PAPPA2: variants seen among roughly 807,000 people sequenced by gnomAD.
The protein encoded by PAPPA2 is pappalysin 2, also known as pappalysin-2.
A neutral mutation model predicts 176.4 loss-of-function variants in PAPPA2; 86 were observed. The ratio of observed to expected loss-of-function variants is 0.49; its 90% confidence interval spans 0.41 to 0.58. The LOEUF is 0.58. Ranked by LOEUF, PAPPA2 falls within the 20% of genes least tolerant of loss-of-function variation. PAPPA2 has a pLI of 0.00. For synonymous variants in PAPPA2, 809 were observed against 852.2 expected (o/e 0.95, Z 0.88); for missense variants, 2,073 against 2,256.9 (o/e 0.92, Z 1.65).
chr1:176,608,973 T>C (rs572956026), intron 3 of PAPPA2, among the ~76,000 whole-genome samples: 5 of 152,216 alleles, frequency 3.3e-5, no homozygotes, highest in Non-Finnish European at 7.3e-5. Context: ...CCTTAAGCCA[T>C]TGAATATTGA....
chr1:176,581,845 T>G (rs1015308215), intron 2 of PAPPA2, among the ~76,000 whole-genome samples: 6 of 150,622 alleles, frequency 4.0e-5, no homozygotes, highest in African/African-American at 1.5e-4. Flanking sequence ...GTTATAAGAG[T>G]TTTTTTTTAA....
At chr1:176,719,845 A>G (rs1279506514) in intron 12 of PAPPA2, among the ~76,000 whole-genome samples, 2 of 152,210 alleles carry the variant, frequency 1.3e-5, no homozygotes, top group Admixed American at 1.3e-4. Flanking sequence ...AGTGTCATTT[A>G]TCACTAGGAG....
intron 1 of PAPPA2, among the ~76,000 whole-genome samples, chr1:176,480,177 G>A (rs1331059045): frequency 3.3e-5 from 5 of 152,152 alleles, no homozygotes; most frequent in African/African-American, 1.2e-4. Flanking sequence ...TACCTCTCTC[G>A]ACCTGTAACT....
chr1:176,750,345 C>G (rs557983530), intron 14 of PAPPA2, among the ~76,000 whole-genome samples: 3 of 152,240 alleles, frequency 2.0e-5, no homozygotes, highest in African/African-American at 7.2e-5. Flanking sequence ...GTGGCTCACA[C>G]CTGTAATTCC....
At chr1:176,625,265 G>C (rs1353557303) in intron 3 of PAPPA2, among the ~76,000 whole-genome samples, 1 of 152,196 alleles carries the variant, frequency 6.6e-6, no homozygotes, top group Non-Finnish European at 1.5e-5. Context: ...AGAGAAGACA[G>C]GAGGAGAGTG....
intron 1 of PAPPA2, among the ~76,000 whole-genome samples, chr1:176,521,332 C>T (rs1225884635): frequency 6.6e-6 from 1 of 152,162 alleles, no homozygotes; most frequent in South Asian, 2.1e-4. Context: ...TCATGGAATG[C>T]TCCTTCTTGG....
At chr1:176,550,879 C>T (rs1196493096) in intron 1 of PAPPA2, among the ~76,000 whole-genome samples, 6 of 152,074 alleles carry the variant, frequency 3.9e-5, no homozygotes, top group Admixed American at 6.6e-5. Flanking sequence ...ACATATATGC[C>T]CTGGGCATTT....
At chr1:176,629,321 A>G (rs1656211303) in intron 3 of PAPPA2, among the ~76,000 whole-genome samples, 1 of 152,230 alleles carries the variant, frequency 6.6e-6, no homozygotes, top group African/African-American at 2.4e-5. Context: ...AATATTAAAT[A>G]ATGAGATATC....
rs190493027 is a variant in PAPPA2, at chr1:176,589,467, G to A, written c.920-5057G>A. Among the ~76,000 whole-genome samples, 11 of 152,248 alleles carry A rather than the reference G, an allele frequency of 7.2e-5. No homozygotes were observed. In the East Asian group the frequency reaches 2.1e-3, roughly 29 times the overall value. ...AAAACTCAGATTAAGTACAAGGTAA[G>A]GTGCTTAAACAGTTTTAAATTTAGT... is the stretch of plus-strand genomic sequence containing the variant. On this transcript the variant is annotated intron_variant, in intron 2 of 22. Coordinates refer to ENST00000367662, the MANE Select transcript of PAPPA2 (RefSeq NM_020318.3).
intron 3 of PAPPA2, among the ~76,000 whole-genome samples, chr1:176,636,959 A>G (rs1001831388): frequency 6.6e-6 from 1 of 152,148 alleles, no homozygotes; most frequent in Non-Finnish European, 1.5e-5. Flanking sequence ...TGTTAAAATA[A>G]GATATGGGAT....
chr1:176,571,422 G>A (rs759216797), intron 2 of PAPPA2, among the ~76,000 whole-genome samples: 1 of 152,190 alleles, frequency 6.6e-6, no homozygotes. Context: ...GGTAATTTCT[G>A]TCTCAGAATT....
chr1:176,738,102 A>AG (rs1257517847), intron 12 of PAPPA2, among the ~76,000 whole-genome samples: 6 of 152,100 alleles, frequency 3.9e-5, no homozygotes, highest in Non-Finnish European at 7.4e-5. Context: ...GCTGGAGCTG[A>AG]GGGCATTGAA....
At chr1:176,734,195 G>T (rs1034037251) in intron 12 of PAPPA2, among the ~76,000 whole-genome samples, 56 of 152,230 alleles carry the variant, frequency 3.7e-4, no homozygotes, top group Admixed American at 7.2e-4. Flanking sequence ...AATCTCTGCA[G>T]ACTTAGCCTT....
chr1:176,822,404 G>A (rs1473098482), intron 21 of PAPPA2, among the ~76,000 whole-genome samples: 1 of 152,086 alleles, frequency 6.6e-6, no homozygotes, highest in African/African-American at 2.4e-5. Context: ...GGGCCCAAAG[G>A]TCACTAACAG....
chr1:176,506,540 T>C (rs61058451), intron 1 of PAPPA2, among the ~76,000 whole-genome samples: 16,608 of 152,136 alleles, frequency 0.11, 958 homozygotes, highest in Middle Eastern at 0.2. Flanking sequence ...AGCAGTGTTT[T>C]GTAGTTTTCC....
intron 9 of PAPPA2, among the ~76,000 whole-genome samples, chr1:176,705,577 T>C (rs1353444300): frequency 2.0e-5 from 3 of 152,180 alleles, no homozygotes; most frequent in Non-Finnish European, 2.9e-5. Context: ...CAAATATTGG[T>C]TCTTTCATAG....
intron 2 of PAPPA2, among the ~76,000 whole-genome samples, chr1:176,584,891 G>A (rs544142559): frequency 1.3e-5 from 2 of 152,102 alleles, no homozygotes; most frequent in East Asian, 1.9e-4. Context: ...CCAGCAGCAC[G>A]CCTGGCTAAT....
chr1:176,499,780 G>A (rs1312424191), intron 1 of PAPPA2, among the ~76,000 whole-genome samples: 2 of 152,184 alleles, frequency 1.3e-5, no homozygotes, highest in Non-Finnish European at 2.9e-5. Context: ...TTCTGGACAA[G>A]TTGGCTAACC....
Position 176,690,542 on chromosome 1 carries a change from T to C in PAPPA2, c.2431+112T>C, listed in dbSNP as rs535230622. 2.0e-6 allele frequency: 3 copies of C among 1,513,954 alleles called. No homozygotes were observed. In the South Asian group the frequency reaches 4.0e-5, roughly 20 times the overall value. The allele number at this position is 1,513,954 out of a possible 1,614,324, so 93.8% of individuals were successfully genotyped here. A position where few individuals can be genotyped will look rare whatever the true frequency, so the allele number is the denominator to read the frequency against. ...GAGAATGATTAAGTGGTCATTTGTG[T>C]CGGAGAGTTGAAGTGTATTTATTAT... On this transcript the variant is annotated intron_variant, in intron 5 of 22. Transcript: ENST00000367662.
Sources: allele counts gnomAD v4.1 joint callset (sites outside exome capture counted in the v4.1 genomes callset), GRCh38; gene constraint gnomAD v4.1.1; transcripts MANE v1.5; gene names NCBI Gene and HGNC (gene_info 2026-07-23, HGNC 2026-07-21).